The following OXNAD1 variants were observed in gnomAD, a reference collection of about 807,000 sequenced individuals.
OXNAD1 encodes oxidoreductase NAD-binding domain-containing protein 1.
A neutral mutation model predicts 32.9 loss-of-function variants in OXNAD1; 34 were observed. That is an observed-to-expected ratio of 1.03 (90% CI 0.79 to 1.38). The LOEUF (loss-of-function observed/expected upper bound fraction) is 1.38. Among genes scored for constraint, OXNAD1 ranks in the 40% most tolerant of loss-of-function variants. The pLI is 0.00. For synonymous variants in OXNAD1, 134 were observed against 135.2 expected (o/e 0.99, Z 0.06); for missense variants, 407 against 379.4 (o/e 1.07, Z -0.60).
intron 4 of OXNAD1, chr3:16,276,169 T>G (rs2065304205): frequency 5.0e-6 from 1 of 200,584 alleles, no homozygotes; most frequent in Non-Finnish European, 1.0e-5. Flanking sequence ...TGTATACTTC[T>G]TGGTTTTAGA....
In OXNAD1 at chr3:16,317,151, G is replaced by T. The variant is rs773816013; in HGVS notation, c.*30+13559G>T. The T allele has an allele frequency of 6.2e-7, 1 of 1,613,554 alleles. No homozygotes were observed. The highest frequency in any genetic ancestry group is 1.7e-5 in the Admixed American group (1 of 59,978). ...TTCTTCTCATTTTCTTCTGCTTGTT[G>T]TTTGTCTCTGGCACTGAGTTTACCT... On this transcript the variant is annotated intron_variant, in intron 9 of 9. Coordinates refer to the OXNAD1 transcript ENST00000435829. This position sits in a 1 kb window ranked among gnomAD's most constrained non-coding sequence, Gnocchi z 4.3.
downstream of OXNAD1, among the ~76,000 whole-genome samples, chr3:16,340,533 A>G (rs1049696711): frequency 3.3e-5 from 5 of 152,248 alleles, no homozygotes; most frequent in South Asian, 1.0e-3. Flanking sequence ...GAGCTAATAC[A>G]TGGTTATTTG....
Position 16,303,564 on chromosome 3 carries a change from A to T in OXNAD1, c.*2A>T. 1 of 1,613,234 alleles carries T rather than the reference A, an allele frequency of 6.2e-7. No individual in the cohort carries two copies. The highest frequency in any genetic ancestry group is 8.5e-7 in the Non-Finnish European group (1 of 1,179,660). ...ATTTGCTTTGAGAAGTGGTGGTAGG[A>T]GGCAGACAAAGGCAGAAAAAATAAA... On this transcript the variant is annotated 3_prime_UTR_variant, in exon 9 of 9. Coordinates refer to ENST00000285083, the MANE Select transcript of OXNAD1 (RefSeq NM_138381.5). This position sits in a 1 kb window ranked among gnomAD's most constrained non-coding sequence, Gnocchi z 4.8.
chr3:16,344,294 C>CA lies in OXNAD1; in HGVS notation c.*31-4876dup, dbSNP rs2125297999. On this transcript the variant is annotated intron_variant, in intron 9 of 9. Coordinates refer to the OXNAD1 transcript ENST00000606098. The surrounding 1 kb of genome is among the most constrained non-coding windows in gnomAD (Gnocchi z 4.4). ...GTTTAAGAAGTCAGGGAAACCTACT[C>CA]AAAAAAGAAAGTGGATTAGATCAGT... is the stretch of plus-strand genomic sequence containing the variant. 6.7e-6 allele frequency among the ~76,000 whole-genome samples: 1 copy of CA among 149,656 alleles called. No homozygotes were observed. Among genetic ancestry groups the CA allele is most frequent in the Non-Finnish European group, 1.5e-5 (1 of 67,602 alleles).
rs1055773347 is a variant in OXNAD1 at position 16,289,432 on chromosome 3, T to C, written c.290+2984T>C. ...ACAGAGTGGAGGGAATTCCTGGTCC[T>C]AGTGTGTCTGACTTTCTACAAGATA... On this transcript the variant is annotated intron_variant, in intron 5 of 8. Transcript: ENST00000285083. This position sits in a 1 kb window ranked among gnomAD's most constrained non-coding sequence, Gnocchi z 4.9. Among the ~76,000 whole-genome samples, 1 of 152,238 alleles carries C rather than the reference T, an allele frequency of 6.6e-6. No individual in the cohort carries two copies. The highest frequency in any genetic ancestry group is 6.5e-5 in the Admixed American group (1 of 15,286).
At position 16,344,296 on chromosome 3, in the gene OXNAD1, A is replaced by G. The variant is rs1575068661; in HGVS notation, c.*31-4880A>G. 2.0e-5 allele frequency among the ~76,000 whole-genome samples: 3 copies of G among 152,202 alleles called. No individual in the cohort carries two copies. Among genetic ancestry groups the G allele is most frequent in the Admixed American group, 2.0e-4 (3 of 15,276 alleles). ...TTAAGAAGTCAGGGAAACCTACTCA[A>G]AAAAGAAAGTGGATTAGATCAGTAA... On this transcript the variant is annotated intron_variant, in intron 9 of 9. Transcript: ENST00000606098. This position sits in a 1 kb window ranked among gnomAD's most constrained non-coding sequence, Gnocchi z 4.4.
intron 2 of OXNAD1, 107 bp from the exon 3 acceptor site, chr3:16,270,838 T>C: frequency 6.7e-7 from 1 of 1,502,170 alleles, no homozygotes; most frequent in Non-Finnish European, 9.0e-7. Context: ...TGACTCATAA[T>C]AGCACCAACA....
chr3:16,296,329 A>C (rs2066790226), intron 6 of OXNAD1, among the ~76,000 whole-genome samples: 1 of 152,216 alleles, frequency 6.6e-6, no homozygotes. Context: ...CAAAGAAGAC[A>C]TGAGTAAATA....
chr3:16,326,402 C>A (rs1352850804), intron 9 of OXNAD1, among the ~76,000 whole-genome samples: 1 of 152,152 alleles, frequency 6.6e-6, no homozygotes, highest in Non-Finnish European at 1.5e-5. Context: ...TTTTTCTTTT[C>A]TTTTTGAGGA....
At chr3:16,268,792 T>C (rs1271820754) in intron 1 of OXNAD1, among the ~76,000 whole-genome samples, 1 of 152,162 alleles carries the variant, frequency 6.6e-6, no homozygotes, top group African/African-American at 2.4e-5. Flanking sequence ...TTTAACAATA[T>C]AGTGGTTAAA....
Position 16,312,318 on chromosome 3 carries a change from G to T in OXNAD1, c.*30+8726G>T, listed in dbSNP as rs184300172. Among the ~76,000 whole-genome samples the T allele has an allele frequency of 6.6e-6, 1 of 152,142 alleles. No homozygotes were observed. Among genetic ancestry groups the T allele is most frequent in the East Asian group, 1.9e-4 (1 of 5,188 alleles). ...GGGAAGCTGCATCAGTGGTTTTGGC[G>T]GGTCATAGTGCAGGCAGAGCACTAA... On this transcript the variant is annotated intron_variant, in intron 9 of 9. Coordinates refer to the OXNAD1 transcript ENST00000435829. The surrounding 1 kb of genome is among the most constrained non-coding windows in gnomAD (Gnocchi z 4.7).
At chr3:16,333,932 G>A (rs1453433584) in intron 9 of OXNAD1, among the ~76,000 whole-genome samples, 2 of 152,196 alleles carry the variant, frequency 1.3e-5, no homozygotes, top group Non-Finnish European at 2.9e-5. Flanking sequence ...TTGGGAGGCC[G>A]ACGCGGGTAG....
intron 9 of OXNAD1, chr3:16,323,479 A>G: frequency 6.3e-7 from 1 of 1,593,004 alleles, no homozygotes; most frequent in Non-Finnish European, 8.6e-7. Context: ...GGAGCTGAGA[A>G]TGAGCCACTT....
chr3:16,307,089 T>C (rs1226306019), downstream of OXNAD1, among the ~76,000 whole-genome samples: 6 of 152,244 alleles, frequency 3.9e-5, no homozygotes, highest in Non-Finnish European at 8.8e-5. Context: ...AATGAGTCTG[T>C]AAAGAAATGG....
At position 16,345,540 on chromosome 3, in the gene OXNAD1, C is replaced by G. The variant is rs1433333180; in HGVS notation, c.*31-3636C>G. Reference sequence around the variant, plus strand: ...ACCATCCAGTCATTGAGGACCTGAACAGAACAAAGGGTGGAGGAAGGCTGA... The same window carrying G: ...ACCATCCAGTCATTGAGGACCTGAAGAGAACAAAGGGTGGAGGAAGGCTGA... On this transcript the variant is annotated intron_variant, in intron 9 of 9. Coordinates refer to the OXNAD1 transcript ENST00000606098. The surrounding 1 kb of genome is among the most constrained non-coding windows in gnomAD (Gnocchi z 5.2). Among the ~76,000 whole-genome samples, 2 of 152,106 alleles carry G rather than the reference C, an allele frequency of 1.3e-5. No homozygotes were observed. Among genetic ancestry groups the G allele is most frequent in the Admixed American group, 6.5e-5 (1 of 15,276 alleles).
rs1553726059 is a variant in OXNAD1, at chr3:16,345,786, C to CTGTGTGTGTGTG, written c.*31-3389_*31-3388insGTGTGTGTGTGT. On this transcript the variant is annotated intron_variant, in intron 9 of 9. Transcript: ENST00000606098. This position sits in a 1 kb window ranked among gnomAD's most constrained non-coding sequence, Gnocchi z 5.2. ...CATGAGCCAAAACCTTATAATAAAT[C>CTGTGTGTGTGTG]TCTGTGTGTGTGTGTGTGTGTGTGT... is the stretch of plus-strand genomic sequence containing the variant. Among the ~76,000 whole-genome samples the CTGTGTGTGTGTG allele has an allele frequency of 2.4e-5, 2 of 81,640 alleles. No homozygotes were observed. The highest frequency in any genetic ancestry group is 1.1e-4 in the African/African-American group (2 of 18,578). The allele number at this position is 81,640 out of a possible 152,430, so 53.6% of individuals were successfully genotyped here.
chr3:16,288,975 G>A lies in OXNAD1; in HGVS notation c.290+2527G>A, dbSNP rs1040208786. On this transcript the variant is annotated intron_variant, in intron 5 of 8. Coordinates refer to ENST00000285083, the MANE Select transcript of OXNAD1 (RefSeq NM_138381.5). This position sits in a 1 kb window ranked among gnomAD's most constrained non-coding sequence, Gnocchi z 5.1. ...CAGTGTATTGTCGCCTAGTGCCCTG[G>A]AGACTGCTCAGCTCACATGCTTGCT... 6.6e-6 allele frequency among the ~76,000 whole-genome samples: 1 copy of A among 152,190 alleles called. No homozygotes were observed. The highest frequency in any genetic ancestry group is 1.5e-5 in the Non-Finnish European group (1 of 68,036).
In OXNAD1 at chr3:16,314,484, A is replaced by G. The variant is rs1302604695; in HGVS notation, c.*30+10892A>G. On this transcript the variant is annotated intron_variant, in intron 9 of 9. Transcript: ENST00000435829. This position sits in a 1 kb window ranked among gnomAD's most constrained non-coding sequence, Gnocchi z 4.4. ...TCCTGATGCCCACGCCACTCCCCAGATCATTCATTCACAAGCTCTGCAGGC... is the reference window on the plus strand; with the variant it reads ...TCCTGATGCCCACGCCACTCCCCAGGTCATTCATTCACAAGCTCTGCAGGC... 6.6e-6 allele frequency: 1 copy of G among 152,170 alleles called. No individual in the cohort carries two copies. Among genetic ancestry groups the G allele is most frequent in the Non-Finnish European group, 1.5e-5 (1 of 68,044 alleles). 9.4% of individuals were successfully genotyped at this position (152,170 alleles called of 1,614,324 possible).
chr3:16,334,407 C>G lies in OXNAD1; in HGVS notation c.*31-2705C>G, dbSNP rs772663524. On this transcript the variant is annotated intron_variant, in intron 9 of 9. Transcript: ENST00000435829. This position sits in a 1 kb window ranked among gnomAD's most constrained non-coding sequence, Gnocchi z 4.3. ...TCCCTTTGACCCAACAATCTCACTT[C>G]TGGGAATTTAACCTACGTATTAAAA... is the stretch of plus-strand genomic sequence containing the variant. Among the ~76,000 whole-genome samples the G allele has an allele frequency of 6.6e-6, 1 of 152,184 alleles. No homozygotes were observed. The highest frequency in any genetic ancestry group is 1.5e-5 in the Non-Finnish European group (1 of 68,040).
Sources: gnomAD v4.1 joint callset for allele counts (sites outside exome capture counted in the v4.1 genomes callset) on GRCh38, gnomAD v4.1.1 for gene constraint, Gnocchi (gnomAD v3.1) non-coding constraint, MANE v1.5 for transcripts, NCBI Gene and HGNC (gene_info 2026-07-23, HGNC 2026-07-21) for gene names.